CRYBG1: variants seen among roughly 807,000 people sequenced by gnomAD.
The protein encoded by CRYBG1 is crystallin beta-gamma domain containing 1.
In CRYBG1, 139 loss-of-function variants were observed where a neutral mutation model predicts 189.2. The observed-to-expected ratio is 0.73, with a 90% CI of 0.64 to 0.85. The LOEUF (loss-of-function observed/expected upper bound fraction) is 0.85. Among genes scored for constraint, CRYBG1 ranks in the 40% least tolerant of loss-of-function variants. CRYBG1 has a pLI of 0.00. For missense variants in CRYBG1, 2,611 were observed against 2,675.8 expected (o/e 0.98, Z 0.53); for synonymous variants, 1,023 against 1,017.1 (o/e 1.01, Z -0.11).
At position 106,400,587 on chromosome 6, in the gene CRYBG1, C is replaced by T. The variant is rs531924471; in HGVS notation, c.173+39506C>T. 1.6e-4 allele frequency among the ~76,000 whole-genome samples: 24 copies of T among 152,194 alleles called. No individual in the cohort carries two copies. In the East Asian group the frequency reaches 3.3e-3, roughly 21 times the overall value. On this transcript the variant is annotated intron_variant, in intron 1 of 21. Coordinates refer to ENST00000633556, the MANE Select transcript of CRYBG1 (RefSeq NM_001371242.2). The stretch of plus-strand genomic sequence containing the variant: ...GGAGGAAACTGAATGACTTAACAGC[C>T]TTTTAAAGGGAGACTCTATAAATAT...
intron 1 of CRYBG1, among the ~76,000 whole-genome samples, chr6:106,378,814 G>C (rs527546745): frequency 2.6e-4 from 39 of 152,168 alleles, no homozygotes; most frequent in Non-Finnish European, 4.9e-4. Context: ...TCCTCCTGTT[G>C]TTCTTCTTCT....
intron 1 of CRYBG1, among the ~76,000 whole-genome samples, chr6:106,397,568 G>A (rs1770638055): frequency 6.6e-6 from 1 of 152,276 alleles, no homozygotes; most frequent in Non-Finnish European, 1.5e-5. Context: ...ATAATCCTCA[G>A]CTTTAGCTCC....
At chr6:106,375,507 G>A (rs1013079475) in intron 1 of CRYBG1, among the ~76,000 whole-genome samples, 1 of 152,086 alleles carries the variant, frequency 6.6e-6, no homozygotes, top group Non-Finnish European at 1.5e-5. Flanking sequence ...TGTGAACTGT[G>A]GAAGGTAATA....
intron 1 of CRYBG1, among the ~76,000 whole-genome samples, chr6:106,382,922 T>G (rs1770313349): frequency 6.6e-6 from 1 of 152,346 alleles, no homozygotes; most frequent in Admixed American, 6.5e-5. Flanking sequence ...TAGAACATCA[T>G]GACTTTATTA....
intron 2 of CRYBG1, among the ~76,000 whole-genome samples, chr6:106,453,163 A>G (rs1039813226): frequency 6.6e-6 from 1 of 152,190 alleles, no homozygotes; most frequent in South Asian, 2.1e-4. Flanking sequence ...AATGGTTAAG[A>G]TGGTAGATTT....
Position 106,421,252 on chromosome 6 carries a change from G to A in CRYBG1, c.174-30442G>A, listed in dbSNP as rs1006329556. ...GCAGTGGAAAGTAAGAGTCAGATAT[G>A]AGCATAAGAATGGAGGGAGAACCAT... On this transcript the variant is annotated intron_variant, in intron 1 of 21. Coordinates refer to ENST00000633556, the MANE Select transcript of CRYBG1 (RefSeq NM_001371242.2). Among the ~76,000 whole-genome samples, 20 of 152,302 alleles carry A rather than the reference G, an allele frequency of 1.3e-4. No homozygotes were observed. In the South Asian group the frequency reaches 1.5e-3, roughly 11 times the overall value.
chr6:106,428,514 A>C (rs1450911339), intron 1 of CRYBG1, among the ~76,000 whole-genome samples: 1 of 152,198 alleles, frequency 6.6e-6, no homozygotes, highest in African/African-American at 2.4e-5. Flanking sequence ...TAAAATTTGT[A>C]ACGAGGTTTG....
Position 106,566,167 on chromosome 6 carries a change from G to GAAAAA in CRYBG1, c.6301+2253_6301+2257dup, listed in dbSNP as rs34366986. ...TGCTAGACACGGAGGGCACCAGCGT[G>GAAAAA]AAAAAAAAAAAAAAAAGCCTCCTCC... On this transcript the variant is annotated intron_variant, in intron 21 of 21. Coordinates refer to ENST00000633556, the MANE Select transcript of CRYBG1 (RefSeq NM_001371242.2). Among the ~76,000 whole-genome samples, 35 of 123,928 alleles carry GAAAAA rather than the reference G, an allele frequency of 2.8e-4. 2 individuals carry two copies. Among genetic ancestry groups the GAAAAA allele is most frequent in the African/African-American group, 8.2e-4 (28 of 33,992 alleles). 81.3% of individuals were successfully genotyped at this position (123,928 alleles called of 152,430 possible).
chr6:106,542,428 A>G (rs1039798729), intron 10 of CRYBG1, among the ~76,000 whole-genome samples: 1 of 150,858 alleles, frequency 6.6e-6, no homozygotes, highest in African/African-American at 2.4e-5. Flanking sequence ...GACTATAGGC[A>G]TGTACCACTA....
At chr6:106,407,972 G>A (rs1013333317) in intron 1 of CRYBG1, among the ~76,000 whole-genome samples, 2 of 152,008 alleles carry the variant, frequency 1.3e-5, no homozygotes. Flanking sequence ...AACCAGAAAA[G>A]CAAGGGCAAA....
chr6:106,427,033 A>G (rs1771240084), intron 1 of CRYBG1, among the ~76,000 whole-genome samples: 1 of 151,910 alleles, frequency 6.6e-6, no homozygotes, highest in Non-Finnish European at 1.5e-5. Flanking sequence ...TCCTGTCTCC[A>G]TGAACTCTCT....
chr6:106,414,662 A>T (rs1770989579), intron 1 of CRYBG1, among the ~76,000 whole-genome samples: 1 of 152,176 alleles, frequency 6.6e-6, no homozygotes, highest in Non-Finnish European at 1.5e-5. Context: ...ACTGCAGGCA[A>T]TGTTAAGTAT....
chr6:106,530,605 G>A (rs1197434337), intron 8 of CRYBG1, among the ~76,000 whole-genome samples: 1 of 152,060 alleles, frequency 6.6e-6, no homozygotes, highest in Non-Finnish European at 1.5e-5. Context: ...AAGCTGAGTA[G>A]CAGATTATAT....
At chr6:106,409,106 T>C (rs1421930581) in intron 1 of CRYBG1, among the ~76,000 whole-genome samples, 2 of 152,194 alleles carry the variant, frequency 1.3e-5, no homozygotes, top group Non-Finnish European at 2.9e-5. Flanking sequence ...AATGACATGA[T>C]TGTATATTTA....
intron 20 of CRYBG1, among the ~76,000 whole-genome samples, chr6:106,563,174 G>A (rs1206187898): frequency 1.3e-5 from 2 of 152,148 alleles, no homozygotes; most frequent in Non-Finnish European, 2.9e-5. Flanking sequence ...TCAGGGAAGG[G>A]CTCATAAAAT....
intron 14 of CRYBG1, 59 bp from the exon 15 acceptor site, chr6:106,552,125 A>C: frequency 6.7e-7 from 1 of 1,497,418 alleles, no homozygotes; most frequent in Non-Finnish European, 9.1e-7. Flanking sequence ...GAAGAAAAAA[A>C]CTTTTTCAAT....
chr6:106,381,137 A>G (rs1770279624), intron 1 of CRYBG1, among the ~76,000 whole-genome samples: 1 of 152,238 alleles, frequency 6.6e-6, no homozygotes, highest in Non-Finnish European at 1.5e-5. Context: ...ATCATAACAT[A>G]GAAACTGAGG....
Position 106,512,467 on chromosome 6 carries a change from C to T in CRYBG1, c.1350C>T (p.Asp450=). 1 of 1,611,124 alleles carries T rather than the reference C, an allele frequency of 6.2e-7. No homozygotes were observed. The highest frequency in any genetic ancestry group is 8.5e-7 in the Non-Finnish European group (1 of 1,179,084). ...CCAGGGACGACGCGGTGTTCGACGA[C>T]GAGGTGGCGCCAAACGCGGCCAGCG... is the stretch of plus-strand genomic sequence containing the variant. ...SAARDDAVFD[D]EVAPNAASDN... Residue 450 remains aspartate, a synonymous_variant, in exon 3 of 22, where the codon GAC becomes GAT. Coordinates refer to ENST00000633556, the MANE Select transcript of CRYBG1 (RefSeq NM_001371242.2).
chr6:106,447,177 G>C (rs1168790158), intron 1 of CRYBG1, among the ~76,000 whole-genome samples: 1 of 152,112 alleles, frequency 6.6e-6, no homozygotes, highest in African/African-American at 2.4e-5. Flanking sequence ...TACCCAAGAG[G>C]TTATTGTCGT....
Sources: gnomAD v4.1 joint callset for allele counts (sites outside exome capture counted in the v4.1 genomes callset) on GRCh38, gnomAD v4.1.1 for gene constraint, MANE v1.5 for transcripts, NCBI Gene and HGNC (gene_info 2026-07-23, HGNC 2026-07-21) for gene names.